Variants in XKR9 observed in about 807,000 individuals in gnomAD.
XKR9 encodes the protein XK-related protein 9.
XKR9 carries 32 observed loss-of-function variants against 32.0 expected under a neutral mutation model. That is an observed-to-expected ratio of 1.00 (90% CI 0.76 to 1.34). XKR9 has a LOEUF of 1.34. XKR9 is among the 40% of genes most tolerant of loss of function. The pLI, the probability that XKR9 is intolerant of heterozygous loss-of-function variation, is 0.00. For missense variants in XKR9, 546 were observed against 429.7 expected, an observed-to-expected ratio of 1.27 and a Z score of -2.39; for synonymous variants, 168 against 143.4, an observed-to-expected ratio of 1.17 and a Z score of -1.22.
At chr8:70,875,870 TA>T in the XKR9 span, among the ~76,000 whole-genome samples, 107 of 152,234 alleles carry the variant, frequency 7.0e-4, 1 homozygote, top group African/African-American at 2.4e-3. Flanking sequence ...AATTTTAATT[TA>T]AAAACTCTTA....
At chr8:70,872,308 A>G in the XKR9 span, among the ~76,000 whole-genome samples, 5 of 152,230 alleles carry the variant, frequency 3.3e-5, no homozygotes, top group African/African-American at 1.2e-4. Context: ...GAGCAAAGCC[A>G]CAACTCTCTT....
intron 2 of XKR9, among the ~76,000 whole-genome samples, chr8:70,765,098 G>A (rs1486506648): frequency 1.3e-5 from 2 of 152,142 alleles, no homozygotes; most frequent in Non-Finnish European, 2.9e-5. Flanking sequence ...AATCCTTTGG[G>A]AATATACCCA....
chr8:70,719,757 G>C (rs1806214038), intron 4 of XKR9, among the ~76,000 whole-genome samples: 1 of 152,028 alleles, frequency 6.6e-6, no homozygotes, highest in South Asian at 2.1e-4. Context: ...TTTTGCTTAG[G>C]ATTGTCTTGG....
chr8:70,759,603 T>A (rs1807279660), intron 2 of XKR9, among the ~76,000 whole-genome samples: 1 of 152,214 alleles, frequency 6.6e-6, no homozygotes, highest in Non-Finnish European at 1.5e-5. Flanking sequence ...GTAGGTTAAA[T>A]TAAAGATAAT....
the XKR9 span, among the ~76,000 whole-genome samples, chr8:70,834,190 T>C: frequency 6.6e-6 from 1 of 152,034 alleles, no homozygotes; most frequent in African/African-American, 2.4e-5. Flanking sequence ...CTTGAAACTT[T>C]ATAAAAATTT....
intron 2 of XKR9, among the ~76,000 whole-genome samples, chr8:70,751,346 C>G (rs1807138117): frequency 6.6e-6 from 1 of 152,116 alleles, no homozygotes; most frequent in Admixed American, 6.5e-5. Flanking sequence ...GCCAGGCTGT[C>G]TTGAACTCCT....
the XKR9 span, among the ~76,000 whole-genome samples, chr8:71,035,839 C>A: frequency 2.0e-5 from 3 of 152,162 alleles, no homozygotes; most frequent in Admixed American, 6.5e-5. Context: ...AACTCTCTGA[C>A]CTTCCTTTAA....
chr8:70,820,460 A>T, the XKR9 span, among the ~76,000 whole-genome samples: 1 of 152,202 alleles, frequency 6.6e-6, no homozygotes, highest in Non-Finnish European at 1.5e-5. Context: ...AGGCAAAGAG[A>T]TAGCAGGCAT....
the XKR9 span, among the ~76,000 whole-genome samples, chr8:70,872,334 G>A: frequency 6.6e-6 from 1 of 152,214 alleles, no homozygotes; most frequent in African/African-American, 2.4e-5. Flanking sequence ...CTATGAAGCT[G>A]AGAGAGCTAA....
the XKR9 span, among the ~76,000 whole-genome samples, chr8:71,012,292 A>C: frequency 6.6e-6 from 1 of 152,182 alleles, no homozygotes; most frequent in African/African-American, 2.4e-5. Flanking sequence ...GGGAAAAATT[A>C]TGGGTAAGAG....
intron 2 of XKR9, among the ~76,000 whole-genome samples, chr8:70,757,733 C>T (rs946439213): frequency 1.3e-5 from 2 of 152,134 alleles, no homozygotes; most frequent in Non-Finnish European, 2.9e-5. Flanking sequence ...ACTATAGGCA[C>T]ATGCCACCAT....
At chr8:70,856,140 A>G in the XKR9 span, among the ~76,000 whole-genome samples, 1 of 152,194 alleles carries the variant, frequency 6.6e-6, no homozygotes, top group Non-Finnish European at 1.5e-5. Flanking sequence ...TAAACCTTAA[A>G]TATAAATGGG....
intron 4 of XKR9, among the ~76,000 whole-genome samples, chr8:70,710,169 C>T (rs71523199): frequency 0.11 from 16,939 of 151,906 alleles, 1,122 homozygotes; most frequent in African/African-American, 0.18. Context: ...TCGACAGAGT[C>T]GACAGTAACA....
the XKR9 span, among the ~76,000 whole-genome samples, chr8:71,014,828 G>A: frequency 4.6e-5 from 7 of 152,088 alleles, no homozygotes; most frequent in Non-Finnish European, 8.8e-5. Context: ...TGGTTCAGGG[G>A]CATTACTGGT....
the XKR9 span, among the ~76,000 whole-genome samples, chr8:70,994,648 G>C: frequency 6.6e-6 from 1 of 151,040 alleles, no homozygotes; most frequent in Non-Finnish European, 1.5e-5. Context: ...GAGGTTCTTG[G>C]CCATTATTAC....
chr8:70,784,756 A>T lies in XKR9; in HGVS notation n.353-4583A>T, dbSNP rs572536132. On this transcript the variant is annotated intron_variant and non_coding_transcript_variant, in intron 2 of 3. Coordinates refer to the XKR9 transcript ENST00000520273. ...TATGTTGAATAGAAATGGTAAGAATAGGCATCCTTGTCTTGTTCCAGATCT... is the reference window on the plus strand; with the variant it reads ...TATGTTGAATAGAAATGGTAAGAATTGGCATCCTTGTCTTGTTCCAGATCT... Among the ~76,000 whole-genome samples the T allele has an allele frequency of 2.0e-4, 31 of 152,208 alleles. No homozygotes were observed. In the South Asian group the frequency reaches 6.4e-3, roughly 32 times the overall value.
At chr8:70,905,178 G>A in the XKR9 span, among the ~76,000 whole-genome samples, 3 of 152,058 alleles carry the variant, frequency 2.0e-5, no homozygotes. Context: ...GCCTTGCTAG[G>A]TTGGGATGTT....
the XKR9 span, among the ~76,000 whole-genome samples, chr8:71,015,748 A>G: frequency 6.6e-6 from 1 of 151,232 alleles, no homozygotes; most frequent in South Asian, 2.1e-4. Flanking sequence ...TTTCAAAGCC[A>G]TTTGTTTTAA....
intron 3 of XKR9, among the ~76,000 whole-genome samples, chr8:70,682,248 A>G (rs989659704): frequency 6.6e-6 from 1 of 152,184 alleles, no homozygotes; most frequent in Admixed American, 6.5e-5. Context: ...GTGCTGATGA[A>G]CAAATACATA....
Sources: gnomAD v4.1 joint callset for allele counts (sites outside exome capture counted in the v4.1 genomes callset) on GRCh38, gnomAD v4.1.1 for gene constraint, MANE v1.5 for transcripts, NCBI Gene and HGNC (gene_info 2026-07-23, HGNC 2026-07-21) for gene names.